Variants in MLXIP observed in about 807,000 individuals in gnomAD.
MLXIP encodes MLX interacting protein, also known as MLX-interacting protein.
Under a neutral mutation model 87.2 loss-of-function variants are expected in MLXIP, and 30 were observed. The observed-to-expected ratio is 0.34, with a 90% confidence interval of 0.26 to 0.47. The LOEUF (loss-of-function observed/expected upper bound fraction) is 0.47, where lower values mean the gene tolerates loss of function less well. MLXIP is among the 20% of genes least tolerant of loss of function. The probability of loss-of-function intolerance (pLI) is 1.00; values close to 1 mark genes in which losing one functional copy is unlikely to be tolerated. For synonymous variants in MLXIP, 530 were observed against 514.0 expected (o/e 1.03, Z -0.42); for missense variants, 1,002 against 1,240.1 (o/e 0.81, Z 2.88).
chr12:122,128,518 T>C (rs910656604), intron 3 of MLXIP: 1 of 156,822 alleles, frequency 6.4e-6, no homozygotes, highest in African/African-American at 2.4e-5. Context: ...ATGGCAATAT[T>C]GTAATCAGTT....
chr12:122,111,893 G>A (rs893025158), intron 1 of MLXIP, among the ~76,000 whole-genome samples: 11 of 152,120 alleles, frequency 7.2e-5, no homozygotes, highest in Non-Finnish European at 1.5e-5. Context: ...TTGAAGTGGG[G>A]TGCTGCCTAC....
intron 1 of MLXIP, among the ~76,000 whole-genome samples, chr12:122,095,227 G>A (rs1177135314): frequency 6.8e-6 from 1 of 147,918 alleles, no homozygotes; most frequent in African/African-American, 2.5e-5. Context: ...GTTGGTTTGT[G>A]TGTGGGATGT....
At chr12:122,124,541 C>G (rs1167056064) in intron 1 of MLXIP, among the ~76,000 whole-genome samples, 1 of 149,466 alleles carries the variant, frequency 6.7e-6, no homozygotes, top group Non-Finnish European at 1.5e-5. Flanking sequence ...CGGAGCTGAC[C>G]TCTGCCCAGG....
intron 14 of MLXIP, 96 bp downstream of exon 14, chr12:122,138,647 A>G (rs1424813008): frequency 4.6e-6 from 7 of 1,511,980 alleles, no homozygotes; most frequent in Non-Finnish European, 6.2e-6. Flanking sequence ...ATCACTGGTC[A>G]GTGCCTCTTT....
rs555093066 is a variant in MLXIP at position 122,135,537 on chromosome 12, G to A, written c.1903G>A (p.Gly635Ser). 21 of 1,607,770 alleles carry A rather than the reference G, an allele frequency of 1.3e-5. No individual in the cohort carries two copies. In the South Asian group the frequency reaches 1.3e-4, roughly 10 times the overall value. ...CAGCAGCATCCTGGTGACAGATCTCGGCCATGGCACGAGCAGCCCGCCTGC... is the reference window on the plus strand; with the variant it reads ...CAGCAGCATCCTGGTGACAGATCTCAGCCATGGCACGAGCAGCCCGCCTGC... ...FHSSILVTDL[G>S]HGTSSPPAPV... is the part of the protein sequence containing the mutation. Residue 635 changes from glycine to serine, a missense_variant, in exon 11 of 17, where the codon GGC becomes AGC. By Grantham distance (56) the Gly-to-Ser change is moderately conservative (BLOSUM62 0). This residue lies in a region of MLXIP where 746 missense variants were observed against 897.0 expected (regional missense o/e 0.83). Coordinates refer to ENST00000319080, the MANE Select transcript of MLXIP (RefSeq NM_014938.6). This position sits in a 1 kb window ranked among gnomAD's most constrained non-coding sequence, Gnocchi z 5.3.
At chr12:122,115,313 C>T (rs896188844) in intron 1 of MLXIP, among the ~76,000 whole-genome samples, 2 of 151,786 alleles carry the variant, frequency 1.3e-5, no homozygotes, top group Non-Finnish European at 1.5e-5. Context: ...AGTGGCTGGG[C>T]GCGGTGTCTC....
chr12:122,103,356 C>G (rs1255405792), intron 1 of MLXIP, among the ~76,000 whole-genome samples: 1 of 151,802 alleles, frequency 6.6e-6, no homozygotes, highest in East Asian at 1.9e-4. Flanking sequence ...TCCTAAGTAG[C>G]TGGGATTAGA....
In MLXIP at chr12:122,133,329, T is replaced by C. The variant is rs1201422250; in HGVS notation, c.1093-19T>C. 3.3e-6 allele frequency: 5 copies of C among 1,536,166 alleles called. No homozygotes were observed. The highest frequency in any genetic ancestry group is 4.4e-6 in the Non-Finnish European group (5 of 1,140,468). On this transcript the variant is annotated intron_variant, in intron 8 of 16. Transcript: ENST00000319080. This position sits in a 1 kb window ranked among gnomAD's most constrained non-coding sequence, Gnocchi z 4.9. ...TCTGACCCCAGCATTGCTTCCTGGC[T>C]CCTTTCTTCCTTTTTCAGGAGAGCA...
At position 122,093,210 on chromosome 12, in the gene MLXIP, TTGGTGTG is replaced by T. The variant is rs1952275711; in HGVS notation, c.413+13954_413+13960del. Among the ~76,000 whole-genome samples the T allele has an allele frequency of 3.4e-5, 5 of 147,568 alleles. No homozygotes were observed. In the South Asian group the frequency reaches 1.1e-3, roughly 32 times the overall value. ...GGTGGATGTCTGTGTGTGGTGTGTGTTGGTGTGTGGTGTGTGTAGTGTATGGTATGTG... is the reference window on the plus strand; with the variant it reads ...GGTGGATGTCTGTGTGTGGTGTGTGTTGGTGTGTGTAGTGTATGGTATGTG... On this transcript the variant is annotated intron_variant, in intron 1 of 16. Transcript: ENST00000319080.
chr12:122,112,466 A>G (rs1377748050), intron 1 of MLXIP, among the ~76,000 whole-genome samples: 1 of 152,016 alleles, frequency 6.6e-6, no homozygotes, highest in East Asian at 1.9e-4. Flanking sequence ...GTGAAACCCC[A>G]TCTCTACTAA....
chr12:122,130,169 G>T, intron 6 of MLXIP, 57 bp downstream of exon 6: 1 of 1,535,174 alleles, frequency 6.5e-7, no homozygotes, highest in East Asian at 2.4e-5. Context: ...TCTCTGCCAG[G>T]CCCCCTCTGG....
intron 1 of MLXIP, among the ~76,000 whole-genome samples, chr12:122,083,521 T>C (rs899444349): frequency 2.0e-5 from 3 of 152,056 alleles, no homozygotes; most frequent in African/African-American, 7.2e-5. Flanking sequence ...TTCAAGTGAT[T>C]CTCCTGCCTC....
chr12:122,079,834 G>A (rs1049427905), intron 1 of MLXIP, among the ~76,000 whole-genome samples: 1 of 152,234 alleles, frequency 6.6e-6, no homozygotes, highest in African/African-American at 2.4e-5. Context: ...CCTGCACCTG[G>A]AGGCTGGCCC....
chr12:122,134,925 CG>C (rs746088943), intron 9 of MLXIP: 9 of 366,072 alleles, frequency 2.5e-5, no homozygotes, highest in Non-Finnish European at 4.2e-5. Context: ...CCACCTGCCT[CG>C]GCCTCCCAAG....
At chr12:122,082,801 C>CA (rs1952110327) in intron 1 of MLXIP, among the ~76,000 whole-genome samples, 1 of 152,152 alleles carries the variant, frequency 6.6e-6, no homozygotes, top group African/African-American at 2.4e-5. Context: ...TAAGGAATGT[C>CA]ACACATGTAT....
chr12:122,100,200 G>A (rs1478530793), intron 1 of MLXIP, among the ~76,000 whole-genome samples: 1 of 152,168 alleles, frequency 6.6e-6, no homozygotes, highest in Non-Finnish European at 1.5e-5. Context: ...CACCTCTGTG[G>A]TACCATTTGA....
intron 1 of MLXIP, among the ~76,000 whole-genome samples, chr12:122,095,653 T>C (rs1952340355): frequency 6.6e-6 from 1 of 151,794 alleles, no homozygotes; most frequent in African/African-American, 2.4e-5. Context: ...GTTTTTTTTT[T>C]ACATTTTAAA....
chr12:122,134,094 CACGT>C, intron 9 of MLXIP, 107 bp downstream of exon 9: 1 of 1,306,098 alleles, frequency 7.7e-7, no homozygotes, highest in African/African-American at 1.5e-5. Flanking sequence ...CCCTGGTGTG[CACGT>C]GCATGCGCAC....
At chr12:122,083,571 T>C (rs61952923) in intron 1 of MLXIP, among the ~76,000 whole-genome samples, 72,127 of 151,874 alleles carry the variant, frequency 0.47, 17,323 homozygotes, top group Middle Eastern at 0.63. Flanking sequence ...TGCACCACCA[T>C]GCCCGACTAA....
Sources: allele counts gnomAD v4.1 joint callset (sites outside exome capture counted in the v4.1 genomes callset), GRCh38; gene constraint gnomAD v4.1.1; regional missense constraint gnomAD v4.1.1; non-coding constraint Gnocchi (gnomAD v3.1); transcripts MANE v1.5; gene names NCBI Gene and HGNC (gene_info 2026-07-23, HGNC 2026-07-21).